Variants in TPD52 observed in about 807,000 individuals in gnomAD.
TPD52 encodes the protein tumor protein D52.
Under a neutral mutation model 31.3 loss-of-function variants are expected in TPD52, and 17 were observed. That is an observed-to-expected ratio of 0.54 (90% CI 0.37 to 0.82). The LOEUF (loss-of-function observed/expected upper bound fraction) is 0.82, where lower values mean the gene tolerates loss of function less well. Among genes scored for constraint, TPD52 ranks in the 40% least tolerant of loss-of-function variants. The probability of loss-of-function intolerance (pLI) is 0.00; values close to 1 mark genes in which losing one functional copy is unlikely to be tolerated. For synonymous variants in TPD52, 83 were observed against 89.6 expected, an observed-to-expected ratio of 0.93 and a Z score of 0.42; for missense variants, 212 against 240.1, an observed-to-expected ratio of 0.88 and a Z score of 0.77.
chr8:80,072,317 ATGTGTGTGTGTGTG>A (rs146024001), intron 1 of TPD52, among the ~76,000 whole-genome samples: 1 of 121,312 alleles, frequency 8.2e-6, no homozygotes, highest in Admixed American at 7.8e-5. Flanking sequence ...AAAAACATAT[ATGTGTGTGTGTGTG>A]TGTGTGTGTG....
chr8:80,132,043 T>C (rs1463124249), intron 1 of TPD52, among the ~76,000 whole-genome samples: 1 of 151,872 alleles, frequency 6.6e-6, no homozygotes, highest in Non-Finnish European at 1.5e-5. Context: ...TTTTTTTTTT[T>C]TTGGAGACAG....
At chr8:80,094,807 A>C (rs889814960) in intron 1 of TPD52, among the ~76,000 whole-genome samples, 4 of 152,096 alleles carry the variant, frequency 2.6e-5, no homozygotes, top group Non-Finnish European at 5.9e-5. Context: ...AATAAGTTGG[A>C]ACCATGATTA....
At chr8:80,092,020 T>A (rs1275308471) in intron 1 of TPD52, among the ~76,000 whole-genome samples, 1 of 152,238 alleles carries the variant, frequency 6.6e-6, no homozygotes. Context: ...TGGCTTTTTG[T>A]ATATATTTCT....
chr8:80,048,600 C>T (rs541201645), intron 5 of TPD52, among the ~76,000 whole-genome samples: 3 of 152,326 alleles, frequency 2.0e-5, no homozygotes, highest in South Asian at 2.1e-4. Context: ...CTTGAGGGAA[C>T]GTGGCCAATA....
At chr8:80,041,924 C>T (rs1810424299) in intron 7 of TPD52, among the ~76,000 whole-genome samples, 1 of 151,928 alleles carries the variant, frequency 6.6e-6, no homozygotes, top group South Asian at 2.1e-4. Flanking sequence ...CCCATCTCTA[C>T]TAAAAATACA....
chr8:80,033,291 G>A (rs1055173032), downstream of TPD52: 1 of 150,808 alleles, frequency 6.6e-6, no homozygotes, highest in Non-Finnish European at 1.5e-5. Flanking sequence ...CCTGCAATGT[G>A]GTGACCGGCG....
rs529829493 is a variant in TPD52 at position 80,060,876 on chromosome 8, T to C, written c.135+3602A>G. Among the ~76,000 whole-genome samples the C allele has an allele frequency of 2.6e-5, 4 of 152,148 alleles. No homozygotes were observed. The East Asian group carries it at 7.7e-4, about 29-fold the overall frequency. The stretch of plus-strand genomic sequence containing the variant: ...TAATATCATACTTATGGTTAAAGAC[T>C]GAAAGCTTTCCCCATAAGATCAGAA... On this transcript the variant is annotated intron_variant, in intron 2 of 7. Transcript: ENST00000518937.
chr8:80,088,748 G>A (rs1816020667), intron 1 of TPD52, among the ~76,000 whole-genome samples: 1 of 152,110 alleles, frequency 6.6e-6, no homozygotes, highest in Admixed American at 6.5e-5. Context: ...ATTAAACAGG[G>A]TCATAGGGTG....
chr8:80,166,813 G>A (rs1216170097), intron 1 of TPD52, among the ~76,000 whole-genome samples: 1 of 152,020 alleles, frequency 6.6e-6, no homozygotes, highest in South Asian at 2.1e-4. Context: ...GGCTGAGACA[G>A]GAGAATTGCT....
At chr8:80,170,391 G>A (rs1363889806) in intron 1 of TPD52, among the ~76,000 whole-genome samples, 3 of 152,148 alleles carry the variant, frequency 2.0e-5, no homozygotes, top group Non-Finnish European at 4.4e-5. Flanking sequence ...ACTCCAGCCT[G>A]GGCTACAGGT....
chr8:80,126,479 A>ATTTTTTTT (rs752947491), intron 1 of TPD52, among the ~76,000 whole-genome samples: 3 of 126,456 alleles, frequency 2.4e-5, no homozygotes, highest in African/African-American at 9.0e-5. Context: ...AAAGTTTATA[A>ATTTTTTTT]TTTTTTTTTT....
At chr8:80,128,549 T>C (rs998124426) in intron 1 of TPD52, among the ~76,000 whole-genome samples, 29 of 148,436 alleles carry the variant, frequency 2.0e-4, no homozygotes, top group Admixed American at 7.4e-4. Context: ...ACTTCTCAGC[T>C]ACTCAGGAGG....
At chr8:80,050,936 G>A (rs1423285883) in intron 4 of TPD52, among the ~76,000 whole-genome samples, 1 of 151,222 alleles carries the variant, frequency 6.6e-6, no homozygotes, top group Non-Finnish European at 1.5e-5. Flanking sequence ...GTGAAGGGGG[G>A]GCACAAAAGC....
intron 1 of TPD52, among the ~76,000 whole-genome samples, chr8:80,117,082 C>G (rs1356644619): frequency 6.6e-6 from 1 of 152,090 alleles, no homozygotes; most frequent in African/African-American, 2.4e-5. Flanking sequence ...TCCCCTAAGA[C>G]CAGGAACAGA....
chr8:80,055,435 T>C (rs1286931041), intron 2 of TPD52, among the ~76,000 whole-genome samples: 1 of 152,102 alleles, frequency 6.6e-6, no homozygotes, highest in Non-Finnish European at 1.5e-5. Context: ...CAAAATGGAC[T>C]AAGGACCCAA....
intron 2 of TPD52, 139 bp from the exon 3 acceptor site, chr8:80,053,569 T>C: frequency 1.0e-6 from 1 of 961,930 alleles, no homozygotes; most frequent in Non-Finnish European, 1.5e-6. Context: ...AAACAATGTA[T>C]AATGTTGTTG....
At chr8:80,038,302 T>A (rs1209035396) in intron 7 of TPD52, 67 bp from the exon 8 acceptor site, 4 of 1,544,670 alleles carry the variant, frequency 2.6e-6, no homozygotes, top group Admixed American at 3.5e-5. Flanking sequence ...CTGCATAAAG[T>A]AACTCTAATT....
chr8:80,075,573 C>T (rs1167555412), intron 1 of TPD52, among the ~76,000 whole-genome samples: 1 of 152,174 alleles, frequency 6.6e-6, no homozygotes, highest in East Asian at 1.9e-4. Flanking sequence ...ACCCTTAAAT[C>T]TCTTTCATTT....
At chr8:80,063,875 G>C (rs890028418) in intron 2 of TPD52, among the ~76,000 whole-genome samples, 5 of 136,278 alleles carry the variant, frequency 3.7e-5, no homozygotes, top group African/African-American at 1.4e-4. Flanking sequence ...AAAAAAGTAA[G>C]AAGGGAGGGA....
Sources: allele counts gnomAD v4.1 joint callset (sites outside exome capture counted in the v4.1 genomes callset), GRCh38; gene constraint gnomAD v4.1.1; transcripts MANE v1.5; gene names NCBI Gene and HGNC (gene_info 2026-07-23, HGNC 2026-07-21).